Variants in PRKCB observed in about 807,000 individuals in gnomAD.
PRKCB encodes the protein protein kinase C beta type.
A neutral mutation model predicts 81.5 loss-of-function variants in PRKCB; 13 were observed. The ratio of observed to expected loss-of-function variants is 0.16; its 90% CI spans 0.10 to 0.25. The LOEUF is 0.25. PRKCB is among the 10% of genes least tolerant of loss of function. The pLI, the probability that PRKCB is intolerant of heterozygous loss-of-function variation, is 1.00. For missense variants in PRKCB, 509 were observed against 875.7 expected, an observed-to-expected ratio of 0.58 and a Z score of 5.29; for synonymous variants, 335 against 321.4, an observed-to-expected ratio of 1.04 and a Z score of -0.45.
chr16:24,164,721 T>G (rs1311900687), intron 10 of PRKCB, among the ~76,000 whole-genome samples: 1 of 152,214 alleles, frequency 6.6e-6, no homozygotes, highest in African/African-American at 2.4e-5. Flanking sequence ...TGTGACAAGT[T>G]CTTCTTGGAA....
intron 2 of PRKCB, among the ~76,000 whole-genome samples, chr16:23,874,548 G>A (rs180712694): frequency 6.8e-6 from 1 of 146,730 alleles, no homozygotes; most frequent in South Asian, 2.1e-4. Flanking sequence ...CACAGGCCTA[G>A]CATCACCAGA....
At chr16:23,968,358 C>T (rs2141798997) in intron 2 of PRKCB, among the ~76,000 whole-genome samples, 1 of 152,278 alleles carries the variant, frequency 6.6e-6, no homozygotes, top group South Asian at 2.1e-4. Flanking sequence ...GTGGAAGCAC[C>T]TAGGGCCTTG....
At chr16:23,903,258 AGTGTGT>A (rs3073125) in intron 2 of PRKCB, among the ~76,000 whole-genome samples, 2,502 of 147,380 alleles carry the variant, frequency 0.017, 41 homozygotes, top group South Asian at 0.053. Context: ...AGGGAACTTA[AGTGTGT>A]GTGTGTGTGT....
intron 2 of PRKCB, among the ~76,000 whole-genome samples, chr16:23,951,083 G>A (rs1425253088): frequency 6.6e-6 from 1 of 152,218 alleles, no homozygotes; most frequent in Admixed American, 6.5e-5. Flanking sequence ...GCTCAGATAT[G>A]CGGCATTACT....
intron 2 of PRKCB, among the ~76,000 whole-genome samples, chr16:23,918,731 T>C (rs1320309561): frequency 1.3e-5 from 2 of 152,176 alleles, no homozygotes; most frequent in African/African-American, 2.4e-5. Flanking sequence ...GAAATGAAAC[T>C]AATATCTAAT....
intron 2 of PRKCB, among the ~76,000 whole-genome samples, chr16:23,977,544 AGAAAACT>A (rs1256139710): frequency 6.6e-6 from 1 of 152,206 alleles, no homozygotes; most frequent in Non-Finnish European, 1.5e-5. Context: ...AGATAAAAAA[AGAAAACT>A]GAAGTAGGGA....
At position 24,215,987 on chromosome 16, in the gene PRKCB, A is replaced by G. The variant is rs768153480; in HGVS notation, c.*1171A>G. The G allele has an allele frequency of 6.2e-5, 6 of 96,352 alleles. No homozygotes were observed. The East Asian group carries it at 2.6e-3, about 42-fold the overall frequency. 6.0% of individuals were successfully genotyped at this position (96,352 alleles called of 1,614,324 possible). On this transcript the variant is annotated 3_prime_UTR_variant, in exon 17 of 17. Coordinates refer to ENST00000643927, the MANE Select transcript of PRKCB (RefSeq NM_002738.7). ...TTTTCTTCTAGCATCGAGATACAAT[A>G]AAAAAAAAAAAAAAGAAAAGAAGAA...
chr16:24,185,788 C>T (rs1055873147), intron 15 of PRKCB, among the ~76,000 whole-genome samples: 1 of 152,156 alleles, frequency 6.6e-6, no homozygotes, highest in African/African-American at 2.4e-5. Flanking sequence ...CCTGCAGCTG[C>T]GTCTTGCTGC....
intron 5 of PRKCB, among the ~76,000 whole-genome samples, chr16:24,040,180 T>C (rs558585569): frequency 8.5e-5 from 13 of 152,206 alleles, no homozygotes; most frequent in Non-Finnish European, 1.8e-4. Context: ...AAGATGAGAA[T>C]AAATCTGATC....
chr16:24,086,724 C>A (rs576221948), intron 5 of PRKCB, among the ~76,000 whole-genome samples: 2 of 152,168 alleles, frequency 1.3e-5, no homozygotes, highest in Admixed American at 1.3e-4. Context: ...AAGCTAAAAT[C>A]TTTATTCACA....
intron 2 of PRKCB, among the ~76,000 whole-genome samples, chr16:23,898,346 C>T (rs1033398095): frequency 6.6e-6 from 1 of 152,058 alleles, no homozygotes; most frequent in Non-Finnish European, 1.5e-5. Context: ...GGATTATAGG[C>T]GTGAGCCACC....
At position 24,185,517 on chromosome 16, in the gene PRKCB, G is replaced by A. The variant is rs368238909; in HGVS notation, c.1672G>A (p.Val558Ile). The change falls in exon 15 of 17, where the codon GTA becomes ATA. Residue 558 changes from valine to isoleucine, a missense_variant. Val to Ile is a conservative substitution (Grantham distance 29). Around this residue, in one of 6 missense-constraint regions of PRKCB, gnomAD observed 104 missense variants for 160.5 expected, o/e 0.65. Transcript: ENST00000643927. ...CTTCCAATCCATCATGGAACACAAC[G>A]TAGCCTATCCCAAGTCTATGTCCAA... Reference protein sequence around the residue: ...ELFQSIMEHNVAYPKSMSKEA... With the variant: ...ELFQSIMEHNIAYPKSMSKEA... The A allele has an allele frequency of 8.4e-5, 136 of 1,613,952 alleles. No homozygotes were observed. Among genetic ancestry groups the A allele is most frequent in the Middle Eastern group, 3.3e-4 (2 of 6,084 alleles).
At chr16:23,926,616 T>C (rs550025383) in intron 2 of PRKCB, among the ~76,000 whole-genome samples, 1 of 151,262 alleles carries the variant, frequency 6.6e-6, no homozygotes, top group South Asian at 2.1e-4. Flanking sequence ...CGTGTATATA[T>C]GTATATATAT....
At chr16:24,171,232 G>A (rs537104758) in intron 10 of PRKCB, among the ~76,000 whole-genome samples, 39 of 152,290 alleles carry the variant, frequency 2.6e-4, no homozygotes, top group African/African-American at 8.4e-4. Context: ...GCCTTGTCTC[G>A]AGTGAAGGAT....
At chr16:23,893,688 T>C (rs1963328794) in intron 2 of PRKCB, 1 of 152,266 alleles carries the variant, frequency 6.6e-6, no homozygotes, top group Non-Finnish European at 1.5e-5. Context: ...AATATTGTTT[T>C]ATAACCCTCT....
intron 5 of PRKCB, among the ~76,000 whole-genome samples, chr16:24,089,512 T>G (rs893805125): frequency 2.6e-5 from 4 of 152,232 alleles, no homozygotes; most frequent in Non-Finnish European, 5.9e-5. Flanking sequence ...CTCACACTTG[T>G]AATCCTAGCA....
chr16:24,167,402 A>G (rs1967364220), intron 10 of PRKCB, among the ~76,000 whole-genome samples: 2 of 152,188 alleles, frequency 1.3e-5, no homozygotes, highest in South Asian at 4.2e-4. Context: ...TCTACAAAAA[A>G]TACAAAAATT....
chr16:24,050,072 T>C lies in PRKCB; in HGVS notation c.529+14525T>C, dbSNP rs551562400. 1.4e-4 allele frequency among the ~76,000 whole-genome samples: 22 copies of C among 152,288 alleles called. No homozygotes were observed. The East Asian group carries it at 3.9e-3, about 27-fold the overall frequency. On this transcript the variant is annotated intron_variant, in intron 5 of 16. Coordinates refer to ENST00000643927, the MANE Select transcript of PRKCB (RefSeq NM_002738.7). ...CTGCTGACATAGATATTGATGAATTTCATGAAGCTTTTACAGGCACTGGTT... is the reference window on the plus strand; with the variant it reads ...CTGCTGACATAGATATTGATGAATTCCATGAAGCTTTTACAGGCACTGGTT...
At chr16:23,864,223 C>G (rs936901721) in intron 2 of PRKCB, among the ~76,000 whole-genome samples, 2 of 152,182 alleles carry the variant, frequency 1.3e-5, no homozygotes, top group Admixed American at 6.5e-5. Flanking sequence ...GCTCAGTGAG[C>G]TCTCCCACCC....
Sources: allele counts gnomAD v4.1 joint callset (sites outside exome capture counted in the v4.1 genomes callset), GRCh38; gene constraint gnomAD v4.1.1; regional missense constraint gnomAD v4.1.1; transcripts MANE v1.5; gene names NCBI Gene and HGNC (gene_info 2026-07-23, HGNC 2026-07-21).